Variants in LHFPL3 observed in about 807,000 individuals in gnomAD.
The protein encoded by LHFPL3 is LHFPL tetraspan subfamily member 3, also known as LHFPL tetraspan subfamily member 3 protein.
LHFPL3 carries 5 observed loss-of-function variants against 19.3 expected under a neutral mutation model. The ratio of observed to expected loss-of-function variants is 0.26; its 90% CI spans 0.14 to 0.54. LHFPL3 has a LOEUF of 0.54. Ranked by LOEUF, LHFPL3 falls within the 20% of genes least tolerant of loss-of-function variation. The pLI is 0.94. For synonymous variants in LHFPL3, 133 were observed against 126.2 expected, an observed-to-expected ratio of 1.05 and a Z score of -0.36; for missense variants, 249 against 307.4, an observed-to-expected ratio of 0.81 and a Z score of 1.42.
At position 104,329,234 on chromosome 7, in the gene LHFPL3, C is replaced by G. The variant is rs577491549; in HGVS notation, c.445+10C>G. ...ATGCAGCTCACCTCCGGTGAGTGCGCGCTCACCTCCGCGGAGGCGGAGGAC... is the reference window on the plus strand; with the variant it reads ...ATGCAGCTCACCTCCGGTGAGTGCGGGCTCACCTCCGCGGAGGCGGAGGAC... On this transcript the variant is annotated intron_variant, in intron 1 of 2. Transcript: ENST00000424859. 6.3e-7 allele frequency: 1 copy of G among 1,586,436 alleles called. No individual in the cohort carries two copies. Among genetic ancestry groups the G allele is most frequent in the African/African-American group, 1.3e-5 (1 of 74,266 alleles).
At chr7:104,870,813 G>A (rs540903229) in intron 2 of LHFPL3, among the ~76,000 whole-genome samples, 19 of 152,130 alleles carry the variant, frequency 1.2e-4, no homozygotes, top group Non-Finnish European at 1.9e-4. Flanking sequence ...GGAGGAGGAC[G>A]CAGCCACCCC....
intron 1 of LHFPL3, among the ~76,000 whole-genome samples, chr7:104,525,349 G>A (rs1005564208): frequency 6.6e-6 from 1 of 151,938 alleles, no homozygotes; most frequent in Non-Finnish European, 1.5e-5. Flanking sequence ...AATATTCAAG[G>A]GGCCTCCTGA....
intron 1 of LHFPL3, among the ~76,000 whole-genome samples, chr7:104,365,147 A>C (rs914850800): frequency 2.0e-5 from 3 of 152,112 alleles, no homozygotes; most frequent in African/African-American, 7.2e-5. Context: ...TAAAAATACA[A>C]AATTAGCCGG....
intron 1 of LHFPL3, among the ~76,000 whole-genome samples, chr7:104,423,346 C>T (rs771435714): frequency 3.9e-5 from 6 of 152,092 alleles, no homozygotes; most frequent in South Asian, 2.1e-4. Flanking sequence ...GATGTGGTTG[C>T]TCACACCTGT....
At chr7:104,523,349 G>A (rs1055813810) in intron 1 of LHFPL3, among the ~76,000 whole-genome samples, 2 of 152,166 alleles carry the variant, frequency 1.3e-5, no homozygotes, top group African/African-American at 4.8e-5. Flanking sequence ...TGAAAAGAGT[G>A]TTTTCAAACC....
chr7:104,405,952 A>G (rs1394407879), intron 1 of LHFPL3, among the ~76,000 whole-genome samples: 1 of 152,224 alleles, frequency 6.6e-6, no homozygotes, highest in Non-Finnish European at 1.5e-5. Flanking sequence ...GAGGTTAGCA[A>G]CTTTTCCTGA....
Position 104,906,372 on chromosome 7 carries a change from C to T in LHFPL3, c.*157C>T. ...AGAATGGAACATTCACTTGTCAACG[C>T]ACTTTCTAAATCTAGATCAGCAGAG... On this transcript the variant is annotated 3_prime_UTR_variant, in exon 3 of 3. Transcript: ENST00000424859. 1 of 848,186 alleles carries T rather than the reference C, an allele frequency of 1.2e-6. No individual in the cohort carries two copies. The highest frequency in any genetic ancestry group is 2.3e-4 in the Middle Eastern group (1 of 4,396). The allele number at this position is 848,186 out of a possible 1,614,324, so 52.5% of individuals were successfully genotyped here.
chr7:104,470,700 T>C (rs917784172), intron 1 of LHFPL3, among the ~76,000 whole-genome samples: 4 of 152,258 alleles, frequency 2.6e-5, no homozygotes, highest in Admixed American at 6.5e-5. Context: ...AAGGGCCCAA[T>C]AGAAATCTGA....
intron 1 of LHFPL3, among the ~76,000 whole-genome samples, chr7:104,671,569 T>A (rs1792482773): frequency 1.4e-5 from 1 of 73,122 alleles, no homozygotes; most frequent in South Asian, 6.2e-4. Flanking sequence ...ATCTTTAAAG[T>A]TCAAAAAAAA....
At chr7:104,895,974 G>C (rs543172180) in intron 2 of LHFPL3, 2 of 152,358 alleles carry the variant, frequency 1.3e-5, no homozygotes, top group East Asian at 3.9e-4. Flanking sequence ...TTTCTCCTGA[G>C]GCCCCTCTCC....
At chr7:104,598,406 T>C (rs1790904525) in intron 1 of LHFPL3, among the ~76,000 whole-genome samples, 1 of 152,162 alleles carries the variant, frequency 6.6e-6, no homozygotes, top group East Asian at 1.9e-4. Context: ...TTCAAAAAAT[T>C]ATAACAGGAG....
At chr7:104,588,423 T>C (rs1020768323) in intron 1 of LHFPL3, among the ~76,000 whole-genome samples, 15 of 152,306 alleles carry the variant, frequency 9.8e-5, no homozygotes, top group Middle Eastern at 3.4e-3. Context: ...GATCAGATGG[T>C]TGTAGATGTG....
intron 1 of LHFPL3, among the ~76,000 whole-genome samples, chr7:104,357,554 C>T (rs1433571913): frequency 6.6e-6 from 1 of 152,172 alleles, no homozygotes; most frequent in Admixed American, 6.5e-5. Context: ...CTCCCTTTCC[C>T]ATCCTGTATC....
intron 2 of LHFPL3, among the ~76,000 whole-genome samples, chr7:104,901,699 C>G (rs1293258794): frequency 6.6e-6 from 1 of 152,102 alleles, no homozygotes; most frequent in Non-Finnish European, 1.5e-5. Flanking sequence ...TCCCACATAG[C>G]TGGGACCACT....
At chr7:104,669,168 C>T (rs919096774) in intron 1 of LHFPL3, 18 of 1,613,690 alleles carry the variant, frequency 1.1e-5, no homozygotes, top group Non-Finnish European at 1.2e-5. Flanking sequence ...TAATGCCAGC[C>T]CCTCCACCAA....
At chr7:104,573,970 A>G (rs913953907) in intron 1 of LHFPL3, among the ~76,000 whole-genome samples, 1 of 152,236 alleles carries the variant, frequency 6.6e-6, no homozygotes, top group African/African-American at 2.4e-5. Flanking sequence ...AAAGAGGCAG[A>G]GAGTGGAATG....
intron 2 of LHFPL3, among the ~76,000 whole-genome samples, chr7:104,829,352 T>C (rs1424362599): frequency 6.6e-6 from 1 of 151,866 alleles, no homozygotes; most frequent in East Asian, 1.9e-4. Context: ...TATTATACTT[T>C]AAGTTTTAGG....
In LHFPL3 at chr7:104,552,169, G is replaced by A. The variant is rs77367091; in HGVS notation, c.446-184506G>A. On this transcript the variant is annotated intron_variant, in intron 1 of 2. Coordinates refer to ENST00000424859, the MANE Select transcript of LHFPL3 (RefSeq NM_199000.3). The stretch of plus-strand genomic sequence containing the variant: ...GTTCTAAAAGCCACTGGGCTTAAAG[G>A]AGTCTTCAGCAGCATCAAAGACGCA... Among the ~76,000 whole-genome samples, 1,003 of 152,260 alleles carry A rather than the reference G, an allele frequency of 6.6e-3. 11 individuals are homozygous for A. Among genetic ancestry groups the A allele is most frequent in the African/African-American group, 0.023 (974 of 41,550 alleles).
At chr7:104,389,984 AAAC>A (rs1389299921) in intron 1 of LHFPL3, among the ~76,000 whole-genome samples, 2 of 152,220 alleles carry the variant, frequency 1.3e-5, no homozygotes, top group East Asian at 3.9e-4. Context: ...CCAAAATCAC[AAAC>A]AACAACAAAA....
Sources: allele counts gnomAD v4.1 joint callset (sites outside exome capture counted in the v4.1 genomes callset), GRCh38; gene constraint gnomAD v4.1.1; transcripts MANE v1.5; gene names NCBI Gene and HGNC (gene_info 2026-07-23, HGNC 2026-07-21).